HSD11B1L: variants seen among roughly 807,000 people sequenced by gnomAD.
The protein encoded by HSD11B1L is hydroxysteroid 11-beta-dehydrogenase 1-like protein.
In HSD11B1L, 22 loss-of-function variants were observed where a neutral mutation model predicts 27.0. The ratio of observed to expected loss-of-function variants is 0.81; its 90% CI spans 0.58 to 1.16. The LOEUF (loss-of-function observed/expected upper bound fraction) is 1.16, where lower values mean the gene tolerates loss of function less well. HSD11B1L is among the 50% of genes most tolerant of loss of function. HSD11B1L has a pLI of 0.00. For synonymous variants in HSD11B1L, 187 were observed against 189.2 expected, an observed-to-expected ratio of 0.99 and a Z score of 0.09; for missense variants, 372 against 401.8, an observed-to-expected ratio of 0.93 and a Z score of 0.63.
intron 1 of HSD11B1L, among the ~76,000 whole-genome samples, chr19:5,682,810 CTTTTTTTTTTT>C (rs5826895): frequency 3.1e-5 from 3 of 95,380 alleles, no homozygotes; most frequent in Admixed American, 1.1e-4. Flanking sequence ...GTCCCATTGA[CTTTTTTTTTTT>C]TTTTTTTTTT....
intron 4 of HSD11B1L, 44 bp downstream of exon 4, chr19:5,686,571 AG>A (rs1340804803): frequency 1.4e-6 from 2 of 1,464,618 alleles, no homozygotes; most frequent in Non-Finnish European, 1.9e-6. Flanking sequence ...ACCGTGGCCT[AG>A]GCCTTAGGGA....
At position 5,688,263 on chromosome 19, in the gene HSD11B1L, C is replaced by T; in HGVS notation, c.*318C>T. The T allele has an allele frequency of 1.6e-6, 2 of 1,281,538 alleles. 1 individual carries two copies. The highest frequency in any genetic ancestry group is 2.9e-5 in the South Asian group (2 of 69,946). The allele number at this position is 1,281,538 out of a possible 1,614,324, so 79.4% of individuals were successfully genotyped here. On this transcript the variant is annotated 3_prime_UTR_variant, in exon 8 of 8. Transcript: ENST00000339423. ...CAGAGAGGCCACGCCACCCTTGAGC[C>T]ACCCATGGACCCCTCTCCATCTCCT... is the stretch of plus-strand genomic sequence containing the variant.
rs1462453202 is a variant in HSD11B1L at position 5,688,254 on chromosome 19, C to T, written c.*309C>T. On this transcript the variant is annotated 3_prime_UTR_variant, in exon 8 of 8. Coordinates refer to ENST00000339423, the MANE Select transcript of HSD11B1L (RefSeq NM_198706.3). ...ACTAAGGCTCAGAGAGGCCACGCCA[C>T]CCTTGAGCCACCCATGGACCCCTCT... 5.0e-6 allele frequency: 7 copies of T among 1,411,796 alleles called. No homozygotes were observed. The highest frequency in any genetic ancestry group is 5.7e-6 in the Non-Finnish European group (6 of 1,046,128). 87.5% of individuals were successfully genotyped at this position (1,411,796 alleles called of 1,614,324 possible).
chr19:5,687,015 G>A lies in HSD11B1L; in HGVS notation c.408+24G>A, dbSNP rs894968694. The stretch of plus-strand genomic sequence containing the variant: ...AGGTGCTCCGCTCCTCCGCGGCCCC[G>A]GCCCGCCCCTCTATCTCAGGGACCG... On this transcript the variant is annotated intron_variant, in intron 5 of 7. Transcript: ENST00000339423. The surrounding 1 kb of genome is among the most constrained non-coding windows in gnomAD (Gnocchi z 6.6). 7.2e-6 allele frequency: 11 copies of A among 1,525,956 alleles called. No individual in the cohort carries two copies. Among genetic ancestry groups the A allele is most frequent in the Non-Finnish European group, 9.7e-6 (11 of 1,133,044 alleles). 94.5% of individuals were successfully genotyped at this position (1,525,956 alleles called of 1,614,324 possible). A position where few individuals can be genotyped will look rare whatever the true frequency, so the allele number is the denominator to read the frequency against.
rs757826749 is a variant in HSD11B1L at position 5,687,831 on chromosome 19, C to T, written c.747C>T (p.Ala249=). ...TCCGCGGCGGCGCCACGCGCGCGGC[C>T]GGCGTCTTCTACCCGTGGCGTTTCC... ...AVIRGGATRA[A]GVFYPWRFRL... The change falls in exon 8 of 8, where the codon GCC becomes GCT. Residue 249 remains alanine, a synonymous_variant. Transcript: ENST00000339423. The surrounding 1 kb of genome is among the most constrained non-coding windows in gnomAD (Gnocchi z 6.6). 16 of 1,556,994 alleles carry T rather than the reference C, an allele frequency of 1.0e-5. No individual in the cohort carries two copies. In the East Asian group the frequency reaches 2.2e-4, roughly 21 times the overall value.
At chr19:5,684,545 T>C (rs2054636773) in intron 1 of HSD11B1L, among the ~76,000 whole-genome samples, 1 of 151,934 alleles carries the variant, frequency 6.6e-6, no homozygotes, top group Non-Finnish European at 1.5e-5. Flanking sequence ...GTCTGGTTTT[T>C]ATTCTAACTG....
intron 4 of HSD11B1L, 62 bp downstream of exon 4, chr19:5,686,589 C>T: frequency 7.7e-7 from 1 of 1,296,488 alleles, no homozygotes; most frequent in Non-Finnish European, 1.1e-6. Context: ...GGGACAGGAC[C>T]AGAATTGGGC....
Position 5,687,933 on chromosome 19 carries a change from CGCG to C in HSD11B1L, c.852_854del (p.Ala285del). The C allele has an allele frequency of 6.4e-7, 1 of 1,563,138 alleles. No individual in the cohort carries two copies. On this transcript the variant is annotated inframe_deletion, in exon 8 of 8. Transcript: ENST00000339423. The surrounding 1 kb of genome is among the most constrained non-coding windows in gnomAD (Gnocchi z 6.6). ...TCCGCCAGGAGCTCAACGTCACGGC[CGCG>C]GCAGCCTGAGCACCGGGGGGTGCCC... is the stretch of plus-strand genomic sequence containing the variant.
chr19:5,685,538 C>G lies in HSD11B1L; in HGVS notation c.204+419C>G, dbSNP rs946327123. 1.5e-5 allele frequency: 3 copies of G among 205,284 alleles called. No homozygotes were observed. The Admixed American group carries it at 1.6e-4, about 11-fold the overall frequency. The allele number at this position is 205,284 out of a possible 1,614,324, so 12.7% of individuals were successfully genotyped here. On this transcript the variant is annotated intron_variant, in intron 3 of 7. Coordinates refer to ENST00000339423, the MANE Select transcript of HSD11B1L (RefSeq NM_198706.3). The surrounding 1 kb of genome is among the most constrained non-coding windows in gnomAD (Gnocchi z 4.3). ...ACCAGCCTGGCCAACATGGTGAAAC[C>G]CTGTCTCTACTAAAAATACAAAAAA...
Position 5,687,227 on chromosome 19 carries a change from C to CCCGCCCTGCCCCTGGGCT in HSD11B1L, c.409-49_409-32dup. ...TGGCCCCGCCCTCTGGGTTTCTGGCCCCGCCCTGCCCCTGGGCTCCGCCTC... is the reference window on the plus strand; with the variant it reads ...TGGCCCCGCCCTCTGGGTTTCTGGCCCCGCCCTGCCCCTGGGCTCCGCCCTGCCCCTGGGCTCCGCCTC... On this transcript the variant is annotated intron_variant, in intron 5 of 7. Transcript: ENST00000339423. The surrounding 1 kb of genome is among the most constrained non-coding windows in gnomAD (Gnocchi z 6.6). 13 of 1,580,154 alleles carry CCCGCCCTGCCCCTGGGCT rather than the reference C, an allele frequency of 8.2e-6. No homozygotes were observed. The highest frequency in any genetic ancestry group is 1.1e-5 in the Non-Finnish European group (13 of 1,159,008).
In HSD11B1L at chr19:5,685,020, A is replaced by G. The variant is rs1267048369; in HGVS notation, c.105A>G (p.Thr35=). The change falls in exon 3 of 8, where the codon ACA becomes ACG. Residue 35 remains threonine, a synonymous_variant. Transcript: ENST00000339423. This position sits in a 1 kb window ranked among gnomAD's most constrained non-coding sequence, Gnocchi z 4.3. Reference sequence around the variant, plus strand: ...TCCAGGGAGCGCGAGTGCTGCTGACAGGGGCCAACGCTGGTGTTGGTGAGG... The same window carrying G: ...TCCAGGGAGCGCGAGTGCTGCTGACGGGGGCCAACGCTGGTGTTGGTGAGG... The part of the protein sequence containing the change: ...ASLQGARVLL[T]GANAGVGEEL... The G allele has an allele frequency of 6.3e-7, 1 of 1,586,686 alleles. No individual in the cohort carries two copies. Among genetic ancestry groups the G allele is most frequent in the Non-Finnish European group, 8.6e-7 (1 of 1,166,394 alleles).
At position 5,688,286 on chromosome 19, in the gene HSD11B1L, C is replaced by T; in HGVS notation, c.*341C>T. Reference sequence around the variant, plus strand: ...GCCACCCATGGACCCCTCTCCATCTCCTGCCTGCGCCTTTAAGTCCCTGAT... The same window carrying T: ...GCCACCCATGGACCCCTCTCCATCTTCTGCCTGCGCCTTTAAGTCCCTGAT... On this transcript the variant is annotated 3_prime_UTR_variant, in exon 8 of 8. Coordinates refer to ENST00000339423, the MANE Select transcript of HSD11B1L (RefSeq NM_198706.3). The T allele has an allele frequency of 9.6e-7, 1 of 1,044,142 alleles. No homozygotes were observed. The highest frequency in any genetic ancestry group is 1.4e-6 in the Non-Finnish European group (1 of 732,724). The allele number at this position is 1,044,142 out of a possible 1,614,324, so 64.7% of individuals were successfully genotyped here. A position where few individuals can be genotyped will look rare whatever the true frequency, so the allele number is the denominator to read the frequency against.
Position 5,685,066 on chromosome 19 carries a change from C to A in HSD11B1L, c.151C>A (p.Arg51Ser), listed in dbSNP as rs535314623. 7 of 1,554,624 alleles carry A rather than the reference C, an allele frequency of 4.5e-6. No individual in the cohort carries two copies. Among genetic ancestry groups the A allele is most frequent in the Admixed American group, 3.9e-5 (2 of 51,332 alleles). ...TGAGGAGCTGGCCTATCACTACGCG[C>A]GTCTGGGCTCCCACCTGGTGCTCAC... ...VGEELAYHYA[R>S]LGSHLVLTAH... is the part of the protein sequence containing the mutation. The change falls in exon 3 of 8, where the codon CGT (arginine) becomes AGT (serine). Residue 51 changes from arginine to serine, a missense_variant. By Grantham distance (110) the Arg-to-Ser change is moderately radical. Transcript: ENST00000339423. This position sits in a 1 kb window ranked among gnomAD's most constrained non-coding sequence, Gnocchi z 4.3.
intron 1 of HSD11B1L, among the ~76,000 whole-genome samples, chr19:5,681,976 T>G (rs563118424): frequency 6.6e-6 from 1 of 152,336 alleles, no homozygotes; most frequent in African/African-American, 2.4e-5. Context: ...CAGAGGAGCT[T>G]CATGGGCTGT....
rs1045080688 is a variant in HSD11B1L, at chr19:5,688,010, A to G, written c.*65A>G. 25 of 1,551,428 alleles carry G rather than the reference A, an allele frequency of 1.6e-5. No homozygotes were observed. Among genetic ancestry groups the G allele is most frequent in the Non-Finnish European group, 2.2e-5 (25 of 1,147,032 alleles). On this transcript the variant is annotated 3_prime_UTR_variant, in exon 8 of 8. Transcript: ENST00000339423. ...CCTCCCTCCAACTGTCCCTGGAGCC[A>G]GAACACTCACAGAGACACCCCTGAG...
chr19:5,684,348 G>A, intron 1 of HSD11B1L: 1 of 329,546 alleles, frequency 3.0e-6, no homozygotes, highest in Non-Finnish European at 5.5e-6. Flanking sequence ...AGACTTGAAA[G>A]AAGTGAGAGA....
In HSD11B1L at chr19:5,688,220, G is replaced by A. The variant is rs1294938203; in HGVS notation, c.*275G>A. 1 of 1,536,624 alleles carries A rather than the reference G, an allele frequency of 6.5e-7. No individual in the cohort carries two copies. Among genetic ancestry groups the A allele is most frequent in the Non-Finnish European group, 8.8e-7 (1 of 1,140,842 alleles). ...ATGACGTGACTGCTTCCATTTTGCA[G>A]ATGAGGAAACTAAGGCTCAGAGAGG... On this transcript the variant is annotated 3_prime_UTR_variant, in exon 8 of 8. Coordinates refer to ENST00000339423, the MANE Select transcript of HSD11B1L (RefSeq NM_198706.3).
chr19:5,687,596 A>G lies in HSD11B1L; in HGVS notation c.596A>G (p.Gln199Arg), dbSNP rs746162710. The change falls in exon 7 of 8, where the codon CAG becomes CGG. Residue 199 changes from glutamine to arginine, a missense_variant. Coordinates refer to ENST00000339423, the MANE Select transcript of HSD11B1L (RefSeq NM_198706.3). The surrounding 1 kb of genome is among the most constrained non-coding windows in gnomAD (Gnocchi z 6.6). ...FGSLRRELDV[Q>R]DVNVAITMCV... Reference sequence around the variant, plus strand: ...TCCCTGCGGCGGGAGCTGGACGTGCAGGACGTGAACGTGGCCATCACCATG... The same window carrying G: ...TCCCTGCGGCGGGAGCTGGACGTGCGGGACGTGAACGTGGCCATCACCATG... 8 of 1,598,386 alleles carry G rather than the reference A, an allele frequency of 5.0e-6. No homozygotes were observed. Among genetic ancestry groups the G allele is most frequent in the Non-Finnish European group, 6.8e-6 (8 of 1,178,744 alleles).
rs2054678534 is a variant in HSD11B1L, at chr19:5,685,935, T to G, written c.205-481T>G. ...ACAAACAAAAAAACCCACCTTCTCATGGGTTAGGATGTTGTGCCAATGCAG... is the reference window on the plus strand; with the variant it reads ...ACAAACAAAAAAACCCACCTTCTCAGGGGTTAGGATGTTGTGCCAATGCAG... On this transcript the variant is annotated intron_variant, in intron 3 of 7. Coordinates refer to ENST00000339423, the MANE Select transcript of HSD11B1L (RefSeq NM_198706.3). The surrounding 1 kb of genome is among the most constrained non-coding windows in gnomAD (Gnocchi z 4.3). Among the ~76,000 whole-genome samples, 1 of 152,000 alleles carries G rather than the reference T, an allele frequency of 6.6e-6. No homozygotes were observed. Among genetic ancestry groups the G allele is most frequent in the Non-Finnish European group, 1.5e-5 (1 of 67,992 alleles).
Sources: gnomAD v4.1 joint callset for allele counts (sites outside exome capture counted in the v4.1 genomes callset) on GRCh38, gnomAD v4.1.1 for gene constraint, Gnocchi (gnomAD v3.1) non-coding constraint, MANE v1.5 for transcripts, NCBI Gene and HGNC (gene_info 2026-07-23, HGNC 2026-07-21) for gene names.